Variants in GUCY2C observed in about 807,000 individuals in gnomAD.
GUCY2C encodes guanylyl cyclase C.
Under a neutral mutation model 131.1 loss-of-function variants are expected in GUCY2C, and 118 were observed. That is an observed-to-expected ratio of 0.90 (90% CI 0.78 to 1.05). GUCY2C has a LOEUF of 1.05. GUCY2C is among the 50% of genes least tolerant of loss of function. The pLI is 0.00. For synonymous variants in GUCY2C, 452 were observed against 457.8 expected (o/e 0.99, Z 0.16); for missense variants, 1,161 against 1,304.4 (o/e 0.89, Z 1.69).
chr12:14,638,184 T>C (rs913901810), intron 19 of GUCY2C, among the ~76,000 whole-genome samples: 1 of 152,152 alleles, frequency 6.6e-6, no homozygotes, highest in Non-Finnish European at 1.5e-5. Flanking sequence ...TTACCCCAGT[T>C]AGAATGGCTA....
At chr12:14,686,064 C>A in intron 3 of GUCY2C, 97 bp downstream of exon 3, 1 of 751,064 alleles carries the variant, frequency 1.3e-6, no homozygotes, top group South Asian at 1.6e-5. Flanking sequence ...TAGACCTCAA[C>A]ACCTCTGATT....
At chr12:14,648,846 T>C (rs76058523) in intron 15 of GUCY2C, among the ~76,000 whole-genome samples, 4,627 of 152,312 alleles carry the variant, frequency 0.03, 256 homozygotes, top group African/African-American at 0.11. Flanking sequence ...AGGGAGTCTT[T>C]GCATTAATAC....
chr12:14,675,602 G>A (rs1948216757), intron 7 of GUCY2C, among the ~76,000 whole-genome samples: 1 of 152,126 alleles, frequency 6.6e-6, no homozygotes, highest in African/African-American at 2.4e-5. Flanking sequence ...GTTCTGATTG[G>A]ATATTACTTC....
chr12:14,652,096 AGTTT>A (rs780865864), intron 13 of GUCY2C, 66 bp from the exon 14 acceptor site: 27 of 839,346 alleles, frequency 3.2e-5, no homozygotes, highest in East Asian at 5.2e-5. Flanking sequence ...ATATTATAAC[AGTTT>A]GTTTGTGTGT....
At chr12:14,625,964 T>C in intron 20 of GUCY2C, 49 bp from the exon 21 acceptor site, 1 of 1,076,410 alleles carries the variant, frequency 9.3e-7, no homozygotes, top group Admixed American at 2.0e-5. Flanking sequence ...TAAGAAAACA[T>C]GAACATCCAA....
At chr12:14,616,749 TA>T (rs774195512) in intron 24 of GUCY2C, 22 bp from the exon 25 acceptor site, 6 of 1,417,908 alleles carry the variant, frequency 4.2e-6, no homozygotes, top group Admixed American at 1.7e-5. Context: ...AATTGACAAA[TA>T]AAAATCCCAG....
chr12:14,640,086 A>G (rs984144264), intron 18 of GUCY2C, 136 bp from the exon 19 acceptor site: 1 of 639,154 alleles, frequency 1.6e-6, no homozygotes, highest in East Asian at 2.7e-5. Flanking sequence ...AGCCTAGACC[A>G]GCACTCAGTA....
At chr12:14,634,878 T>C (rs1029065371) in intron 19 of GUCY2C, among the ~76,000 whole-genome samples, 1 of 152,182 alleles carries the variant, frequency 6.6e-6, no homozygotes, top group African/African-American at 2.4e-5. Context: ...CATAGGTCAT[T>C]ATATAATGAT....
At chr12:14,625,949 A>G (rs1404219196) in intron 20 of GUCY2C, 34 bp from the exon 21 acceptor site, 1 of 1,261,974 alleles carries the variant, frequency 7.9e-7, no homozygotes, top group Non-Finnish European at 1.1e-6. Flanking sequence ...GCTCTTATAT[A>G]TTATTAAGAA....
intron 15 of GUCY2C, among the ~76,000 whole-genome samples, chr12:14,650,797 A>C (rs1277799993): frequency 6.6e-6 from 1 of 152,250 alleles, no homozygotes; most frequent in Non-Finnish European, 1.5e-5. Context: ...AAGAGCCCTC[A>C]GATGTTAGAA....
At chr12:14,644,903 A>G (rs560671280) in intron 16 of GUCY2C, among the ~76,000 whole-genome samples, 22 of 151,644 alleles carry the variant, frequency 1.5e-4, no homozygotes, top group Admixed American at 4.6e-4. Flanking sequence ...CACTGCGCCC[A>G]GCCCAGTTGT....
intron 8 of GUCY2C, 148 bp downstream of exon 8, chr12:14,674,477 G>C (rs1948183111): frequency 2.5e-6 from 2 of 797,152 alleles, no homozygotes; most frequent in African/African-American, 1.7e-5. Flanking sequence ...CACCCTCAAA[G>C]TTTATGTAAT....
At position 14,622,067 on chromosome 12, in the gene GUCY2C, C is replaced by T; in HGVS notation, c.2539G>A (p.Asp847Asn). The T allele has an allele frequency of 1.2e-6, 2 of 1,610,220 alleles. No homozygotes were observed. Among genetic ancestry groups the T allele is most frequent in the Non-Finnish European group, 1.7e-6 (2 of 1,178,558 alleles). Residue 847 changes from aspartate to asparagine, a missense_variant, in exon 22 of 27, where the codon GAC becomes AAC. Coordinates refer to ENST00000261170, the MANE Select transcript of GUCY2C (RefSeq NM_004963.4). ...CKYSTPMEVV[D>N]MLNDIYKSFD... ...CTCTTATAGATGTCATTAAGCATGT[C>T]CACCACTTCCATGGGGGTGCTGTAT...
chr12:14,685,847 T>C (rs1483873296), intron 3 of GUCY2C, among the ~76,000 whole-genome samples: 1 of 152,208 alleles, frequency 6.6e-6, no homozygotes, highest in Non-Finnish European at 1.5e-5. Context: ...CTTTTGTGAA[T>C]ATTTTATTTA....
chr12:14,642,383 G>A (rs771906681), intron 17 of GUCY2C, among the ~76,000 whole-genome samples: 19 of 152,154 alleles, frequency 1.2e-4, no homozygotes, highest in Non-Finnish European at 2.4e-4. Flanking sequence ...GGATCACCTA[G>A]CTCCTTATAA....
intron 11 of GUCY2C, among the ~76,000 whole-genome samples, chr12:14,660,736 C>T (rs1947851150): frequency 6.6e-6 from 1 of 152,218 alleles, no homozygotes; most frequent in Non-Finnish European, 1.5e-5. Flanking sequence ...CTTAAGACCA[C>T]AGAACTAGTA....
At chr12:14,659,333 G>A (rs1947821118) in intron 11 of GUCY2C, among the ~76,000 whole-genome samples, 1 of 152,214 alleles carries the variant, frequency 6.6e-6, no homozygotes, top group African/African-American at 2.4e-5. Context: ...GTGAGCCACT[G>A]TGTTCGGCCA....
chr12:14,665,503 A>G (rs1252449859), intron 10 of GUCY2C, among the ~76,000 whole-genome samples: 1 of 152,226 alleles, frequency 6.6e-6, no homozygotes, highest in Non-Finnish European at 1.5e-5. Flanking sequence ...AGAGTTGCCA[A>G]TTGACATGTT....
At chr12:14,662,273 C>G (rs1404703787) in intron 10 of GUCY2C, among the ~76,000 whole-genome samples, 3 of 151,924 alleles carry the variant, frequency 2.0e-5, no homozygotes, top group African/African-American at 7.3e-5. Flanking sequence ...AAGGCATAAT[C>G]CAAAAATGAA....
Sources: gnomAD v4.1 joint callset for allele counts (sites outside exome capture counted in the v4.1 genomes callset) on GRCh38, gnomAD v4.1.1 for gene constraint, MANE v1.5 for transcripts, NCBI Gene and HGNC (gene_info 2026-07-23, HGNC 2026-07-21) for gene names.